Variants in NKAIN3 observed in about 807,000 individuals in gnomAD.
NKAIN3 encodes sodium/potassium transporting ATPase interacting 3, also known as sodium/potassium-transporting ATPase subunit beta-1-interacting protein 3.
A neutral mutation model predicts 30.2 loss-of-function variants in NKAIN3; 25 were observed. The observed-to-expected ratio is 0.83, with a 90% confidence interval of 0.60 to 1.16. The LOEUF (loss-of-function observed/expected upper bound fraction) is 1.16, where lower values mean the gene tolerates loss of function less well. Ranked by LOEUF, NKAIN3 falls within the 50% of genes most tolerant of loss-of-function variation. The pLI is 0.00. For missense variants in NKAIN3, 225 were observed against 254.1 expected (o/e 0.89, Z 0.78); for synonymous variants, 91 against 89.6 (o/e 1.02, Z -0.09).
chr8:62,598,210 A>C (rs1810888803), intron 3 of NKAIN3, among the ~76,000 whole-genome samples: 1 of 152,084 alleles, frequency 6.6e-6, no homozygotes, highest in Non-Finnish European at 1.5e-5. Context: ...AAAAGCTCTC[A>C]ACAGCAAGAG....
chr8:62,415,169 A>AATATATATTATATTACAATATACTATAGT (rs1563388607), intron 1 of NKAIN3, among the ~76,000 whole-genome samples: 19 of 141,976 alleles, frequency 1.3e-4, no homozygotes, highest in Admixed American at 1.2e-3. Context: ...TATATTATAT[A>AATATATATTATATTACAATATACTATAGT]ATATATATTA....
At chr8:62,948,449 C>T (rs1461769133) in intron 5 of NKAIN3, among the ~76,000 whole-genome samples, 7 of 152,084 alleles carry the variant, frequency 4.6e-5, no homozygotes, top group South Asian at 4.1e-4. Flanking sequence ...CTGCCTGCCT[C>T]GGCCTCCCAA....
At chr8:62,925,510 T>C (rs560545525) in intron 5 of NKAIN3, among the ~76,000 whole-genome samples, 40 of 152,164 alleles carry the variant, frequency 2.6e-4, no homozygotes, top group South Asian at 6.2e-4. Context: ...GTGTAGCTTG[T>C]TTTGCCAAAA....
intron 3 of NKAIN3, among the ~76,000 whole-genome samples, chr8:62,708,854 G>A (rs996316409): frequency 6.6e-6 from 1 of 152,152 alleles, no homozygotes; most frequent in African/African-American, 2.4e-5. Context: ...TGTTGGCTGT[G>A]GGTTTGCCAT....
intron 1 of NKAIN3, among the ~76,000 whole-genome samples, chr8:62,527,605 T>A (rs1194961866): frequency 6.6e-6 from 1 of 152,196 alleles, no homozygotes; most frequent in Non-Finnish European, 1.5e-5. Flanking sequence ...TCAGTTTACG[T>A]TCCTATATTT....
intron 3 of NKAIN3, among the ~76,000 whole-genome samples, chr8:62,615,879 T>G (rs1316556563): frequency 6.6e-6 from 1 of 152,154 alleles, no homozygotes; most frequent in Non-Finnish European, 1.5e-5. Context: ...TCTAGACTTT[T>G]TTTTAATCTC....
At chr8:62,507,106 T>G (rs762276780) in intron 1 of NKAIN3, among the ~76,000 whole-genome samples, 20 of 152,196 alleles carry the variant, frequency 1.3e-4, no homozygotes, top group Admixed American at 1.3e-4. Flanking sequence ...TTATACTGTA[T>G]GAATAATTTC....
At chr8:62,260,311 A>G (rs1485282183) in intron 1 of NKAIN3, among the ~76,000 whole-genome samples, 2 of 152,200 alleles carry the variant, frequency 1.3e-5, no homozygotes, top group African/African-American at 2.4e-5. Context: ...CACTCAAGTT[A>G]TATTTCCTGT....
intron 3 of NKAIN3, among the ~76,000 whole-genome samples, chr8:62,616,957 A>G (rs530001955): frequency 6.6e-6 from 1 of 152,330 alleles, no homozygotes; most frequent in South Asian, 2.1e-4. Flanking sequence ...GTTTAGCACC[A>G]TCACATTGGT....
chr8:62,254,545 AAC>A (rs538213382), intron 1 of NKAIN3, among the ~76,000 whole-genome samples: 97 of 152,308 alleles, frequency 6.4e-4, no homozygotes, highest in African/African-American at 2.3e-3. Flanking sequence ...AGTAAAACAA[AAC>A]ACAAAAAACA....
chr8:62,820,242 T>C (rs184607179), intron 4 of NKAIN3, among the ~76,000 whole-genome samples: 10 of 152,214 alleles, frequency 6.6e-5, no homozygotes, highest in Non-Finnish European at 4.4e-5. Flanking sequence ...ATATGGAGTA[T>C]GGAATAAAGG....
chr8:62,256,138 G>A (rs993307128), intron 1 of NKAIN3, among the ~76,000 whole-genome samples: 1 of 152,112 alleles, frequency 6.6e-6, no homozygotes, highest in African/African-American at 2.4e-5. Flanking sequence ...CGGATACTGG[G>A]TGTGGTGCCT....
chr8:62,345,394 C>CATATACACATATATGTATATATACACAT (rs1563942427), intron 1 of NKAIN3, among the ~76,000 whole-genome samples: 12 of 11,354 alleles, frequency 1.1e-3, no homozygotes, highest in Admixed American at 8.3e-3. Context: ...TATATACACA[C>CATATACACATATATGTATATATACACAT]ATATACACAT....
At chr8:62,511,556 G>C (rs1351861480) in intron 1 of NKAIN3, among the ~76,000 whole-genome samples, 1 of 152,096 alleles carries the variant, frequency 6.6e-6, no homozygotes, top group African/African-American at 2.4e-5. Context: ...CTTTCCAAGG[G>C]TTCCTGATAT....
intron 4 of NKAIN3, among the ~76,000 whole-genome samples, chr8:62,761,388 G>C (rs896590047): frequency 6.6e-6 from 1 of 152,146 alleles, no homozygotes; most frequent in Non-Finnish European, 1.5e-5. Flanking sequence ...CTCACACTTA[G>C]AGTATGCGAA....
intron 4 of NKAIN3, among the ~76,000 whole-genome samples, chr8:62,810,820 TTTAAA>T (rs1030678526): frequency 2.6e-5 from 4 of 152,112 alleles, no homozygotes; most frequent in Admixed American, 1.3e-4. Context: ...CTTCCTAATC[TTTAAA>T]TTAAACTTTA....
intron 1 of NKAIN3, among the ~76,000 whole-genome samples, chr8:62,358,765 G>A (rs1585719725): frequency 6.6e-6 from 1 of 152,124 alleles, no homozygotes. Flanking sequence ...GATAATCTAG[G>A]TCTACTGTCT....
chr8:62,530,968 C>T (rs564318999), intron 1 of NKAIN3, among the ~76,000 whole-genome samples: 2 of 152,196 alleles, frequency 1.3e-5, no homozygotes, highest in African/African-American at 4.8e-5. Context: ...TCAGATTTTG[C>T]TTCAACTCAC....
chr8:62,305,894 A>G (rs1179329141), intron 1 of NKAIN3, among the ~76,000 whole-genome samples: 1 of 150,332 alleles, frequency 6.7e-6, no homozygotes, highest in Non-Finnish European at 1.5e-5. Context: ...CTGCTGTTCA[A>G]TGTTCCAAGC....
Sources: allele counts gnomAD v4.1 joint callset (sites outside exome capture counted in the v4.1 genomes callset), GRCh38; gene constraint gnomAD v4.1.1; transcripts MANE v1.5; gene names NCBI Gene and HGNC (gene_info 2026-07-23, HGNC 2026-07-21).